Variants in SEMA6A observed in about 807,000 individuals in gnomAD.
SEMA6A encodes semaphorin 6A.
Under a neutral mutation model 96.8 loss-of-function variants are expected in SEMA6A, and 25 were observed. The observed-to-expected ratio is 0.26, with a 90% CI of 0.19 to 0.36. The LOEUF is 0.36. Among genes scored for constraint, SEMA6A ranks in the 10% least tolerant of loss-of-function variants. The pLI is 1.00. For missense variants in SEMA6A, 1,363 were observed against 1,323.1 expected (o/e 1.03, Z -0.47); for synonymous variants, 612 against 518.0 (o/e 1.18, Z -2.46).
intron 1 of SEMA6A, among the ~76,000 whole-genome samples, chr5:116,536,866 T>TTAA (rs1561524239): frequency 1.4e-5 from 1 of 69,480 alleles, no homozygotes; most frequent in Non-Finnish European, 2.9e-5. Flanking sequence ...TGTGATTTCT[T>TTAA]AAAAAAAAAA....
intron 1 of SEMA6A, chr5:116,550,597 G>T (rs1260215388): frequency 1.3e-5 from 2 of 152,132 alleles, no homozygotes; most frequent in Non-Finnish European, 2.9e-5. Context: ...GTGCCCAGTG[G>T]ACATCTCTGC....
chr5:116,466,513 A>G (rs913396691), intron 18 of SEMA6A, among the ~76,000 whole-genome samples: 2 of 152,214 alleles, frequency 1.3e-5, no homozygotes, highest in African/African-American at 4.8e-5. Context: ...GACTTGGCAA[A>G]TAGAGCAGCA....
chr5:116,471,393 G>A (rs1038391556), intron 17 of SEMA6A: 1 of 152,170 alleles, frequency 6.6e-6, no homozygotes, highest in Admixed American at 6.5e-5. Flanking sequence ...GTCTTGGTAT[G>A]ATTGATGAAT....
intron 1 of SEMA6A, chr5:116,562,715 C>T (rs570023052): frequency 6.5e-5 from 48 of 733,032 alleles, no homozygotes; most frequent in Non-Finnish European, 1.1e-4. Context: ...CAAAGAAACC[C>T]TCTGCCGTGT....
At chr5:116,537,397 G>C (rs1759763286) in intron 1 of SEMA6A, among the ~76,000 whole-genome samples, 1 of 152,144 alleles carries the variant, frequency 6.6e-6, no homozygotes, top group African/African-American at 2.4e-5. Context: ...GGATGTCCTG[G>C]TGCTTCCTGC....
chr5:116,513,136 T>C (rs933352063), intron 1 of SEMA6A, among the ~76,000 whole-genome samples: 4 of 151,880 alleles, frequency 2.6e-5, no homozygotes, highest in Non-Finnish European at 5.9e-5. Flanking sequence ...ATCTTTTTTT[T>C]TTTCCCCCGC....
chr5:116,504,214 G>GA (rs1017742080), intron 2 of SEMA6A, among the ~76,000 whole-genome samples: 136 of 151,940 alleles, frequency 9.0e-4, no homozygotes, highest in Middle Eastern at 3.4e-3. Context: ...TGAAGGGCAT[G>GA]AAAAAAAAGT....
intron 1 of SEMA6A, among the ~76,000 whole-genome samples, chr5:116,543,783 G>A (rs1760074736): frequency 6.6e-6 from 1 of 152,224 alleles, no homozygotes; most frequent in Non-Finnish European, 1.5e-5. Context: ...GCAAGCAGAT[G>A]TGTTTGGATA....
rs1754030792 is a variant in SEMA6A, at chr5:116,443,747, A to G, written c.*2866T>C. On this transcript the variant is annotated 3_prime_UTR_variant, in exon 19 of 19. Coordinates refer to ENST00000343348, the MANE Select transcript of SEMA6A (RefSeq NM_020796.5). ...ATATTTTTACAACTTTACAACAAAT[A>G]TAAATCTGAGTTTGTTGCATCTACC... 1 of 152,748 alleles carries G rather than the reference A, an allele frequency of 6.5e-6. No individual in the cohort carries two copies. The highest frequency in any genetic ancestry group is 6.5e-5 in the Admixed American group (1 of 15,306). The allele number at this position is 152,748 out of a possible 1,614,324, so 9.5% of individuals were successfully genotyped here.
intron 2 of SEMA6A, among the ~76,000 whole-genome samples, chr5:116,504,273 G>A (rs1441117785): frequency 2.6e-5 from 4 of 152,130 alleles, no homozygotes; most frequent in African/African-American, 9.7e-5. Flanking sequence ...CTCCTCTTTT[G>A]AGGAGACAGC....
chr5:116,454,237 G>C (rs928866860), intron 18 of SEMA6A, among the ~76,000 whole-genome samples: 1 of 152,160 alleles, frequency 6.6e-6, no homozygotes, highest in African/African-American at 2.4e-5. Flanking sequence ...CACTGAGCCA[G>C]AGAGGGTTTG....
chr5:116,524,648 T>A, intron 1 of SEMA6A, among the ~76,000 whole-genome samples: 1 of 151,702 alleles, frequency 6.6e-6, no homozygotes, highest in South Asian at 2.1e-4. Context: ...AACATTACAG[T>A]AATTACAGAG....
chr5:116,483,958 G>T (rs190246764), intron 10 of SEMA6A, among the ~76,000 whole-genome samples: 3 of 151,786 alleles, frequency 2.0e-5, no homozygotes, highest in Non-Finnish European at 1.5e-5. Context: ...CAGCTACTCC[G>T]GAGGCTGAAG....
In SEMA6A at chr5:116,445,020, C is replaced by T. The variant is rs1754098196; in HGVS notation, c.*1593G>A. The T allele has an allele frequency of 6.5e-6, 1 of 152,856 alleles. No homozygotes were observed. Among genetic ancestry groups the T allele is most frequent in the Non-Finnish European group, 1.5e-5 (1 of 68,066 alleles). 9.5% of individuals were successfully genotyped at this position (152,856 alleles called of 1,614,324 possible). On this transcript the variant is annotated 3_prime_UTR_variant, in exon 19 of 19. Coordinates refer to ENST00000343348, the MANE Select transcript of SEMA6A (RefSeq NM_020796.5). ...GAAAGGGGATTTGACACACCCACAA[C>T]AACACTGGGGTCCATGCTTCGCAGC...
At chr5:116,495,329 C>T in intron 6 of SEMA6A, 84 bp downstream of exon 6, 1 of 935,276 alleles carries the variant, frequency 1.1e-6, no homozygotes, top group Non-Finnish European at 1.7e-6. Context: ...TTGAATTACC[C>T]CTCTTAGGTT....
At chr5:116,495,112 T>A (rs1045523944) in intron 6 of SEMA6A, among the ~76,000 whole-genome samples, 4 of 151,940 alleles carry the variant, frequency 2.6e-5, no homozygotes, top group African/African-American at 9.7e-5. Flanking sequence ...AGAAAAAAAA[T>A]AGAGGAAATC....
At chr5:116,476,401 T>A (rs1294442084) in intron 15 of SEMA6A, among the ~76,000 whole-genome samples, 1 of 152,194 alleles carries the variant, frequency 6.6e-6, no homozygotes, top group African/African-American at 2.4e-5. Flanking sequence ...TTATGAGCCG[T>A]ATAGGAAAAC....
At chr5:116,533,588 T>A (rs1274662995) in intron 1 of SEMA6A, among the ~76,000 whole-genome samples, 4 of 152,168 alleles carry the variant, frequency 2.6e-5, no homozygotes, top group African/African-American at 9.7e-5. Context: ...CAGAGAAAAA[T>A]TGTACAGTAT....
At chr5:116,474,684 G>C (rs186233690) in intron 16 of SEMA6A, among the ~76,000 whole-genome samples, 400 of 152,246 alleles carry the variant, frequency 2.6e-3, no homozygotes, top group Non-Finnish European at 4.5e-3. Context: ...AGTTATGTCC[G>C]TGACTTCCGT....
Sources: gnomAD v4.1 joint callset for allele counts (sites outside exome capture counted in the v4.1 genomes callset) on GRCh38, gnomAD v4.1.1 for gene constraint, MANE v1.5 for transcripts, NCBI Gene and HGNC (gene_info 2026-07-23, HGNC 2026-07-21) for gene names.